Variants in FGD6 observed in about 807,000 individuals in gnomAD.
FGD6 encodes the protein FYVE, RhoGEF and PH domain-containing protein 6.
A neutral mutation model predicts 149.4 loss-of-function variants in FGD6; 90 were observed. The observed-to-expected ratio is 0.60, with a 90% CI of 0.51 to 0.72. The LOEUF is 0.72. Ranked by LOEUF, FGD6 falls within the 30% of genes least tolerant of loss-of-function variation. FGD6 has a pLI of 0.00. For missense variants in FGD6, 1,437 were observed against 1,684.8 expected, an observed-to-expected ratio of 0.85 and a Z score of 2.57; for synonymous variants, 527 against 584.0, an observed-to-expected ratio of 0.90 and a Z score of 1.41.
intron 3 of FGD6, among the ~76,000 whole-genome samples, chr12:95,166,819 C>T (rs893235204): frequency 6.6e-6 from 1 of 151,486 alleles, no homozygotes; most frequent in African/African-American, 2.4e-5. Flanking sequence ...TTAGTTTATC[C>T]ACTCATCATT....
At chr12:95,136,299 A>G (rs1469106970) in intron 7 of FGD6, among the ~76,000 whole-genome samples, 1 of 151,856 alleles carries the variant, frequency 6.6e-6, no homozygotes, top group Non-Finnish European at 1.5e-5. Context: ...CAGAGGTTGC[A>G]GTGAGCCGAG....
At chr12:95,127,458 C>G (rs1350656106) in intron 8 of FGD6, among the ~76,000 whole-genome samples, 3 of 152,140 alleles carry the variant, frequency 2.0e-5, no homozygotes, top group Non-Finnish European at 4.4e-5. Flanking sequence ...GCAGAAGAAT[C>G]ACTTGAACCC....
At chr12:95,100,829 T>C in intron 14 of FGD6, 1 of 402,482 alleles carries the variant, frequency 2.5e-6, no homozygotes, top group South Asian at 2.1e-5. Context: ...GATCAGGACC[T>C]TGCCGTCTTG....
chr12:95,216,003 TC>T (rs1242539717), intron 1 of FGD6, among the ~76,000 whole-genome samples: 1 of 152,204 alleles, frequency 6.6e-6, no homozygotes, highest in Non-Finnish European at 1.5e-5. Context: ...GTATAAAGCC[TC>T]CCTTTGGCAA....
chr12:95,142,267 G>C (rs1447349381), intron 5 of FGD6, among the ~76,000 whole-genome samples: 1 of 151,258 alleles, frequency 6.6e-6, no homozygotes, highest in Non-Finnish European at 1.5e-5. Flanking sequence ...TCAGCCTCCC[G>C]AGTAGCTGGG....
chr12:95,104,983 A>G (rs758380351), intron 14 of FGD6, 24 bp downstream of exon 14: 2 of 1,566,844 alleles, frequency 1.3e-6, no homozygotes, highest in East Asian at 2.2e-5. Context: ...AAAAAAAAAA[A>G]AAAAAGAAGA....
At chr12:95,135,755 G>C (rs1879647552) in intron 7 of FGD6, among the ~76,000 whole-genome samples, 1 of 152,198 alleles carries the variant, frequency 6.6e-6, no homozygotes, top group Admixed American at 6.5e-5. Flanking sequence ...GGTACACAGA[G>C]TGATTATGAA....
intron 8 of FGD6, among the ~76,000 whole-genome samples, chr12:95,132,174 C>T (rs907974554): frequency 1.3e-5 from 2 of 151,932 alleles, no homozygotes; most frequent in Non-Finnish European, 2.9e-5. Context: ...GTTTAAGAGA[C>T]GGAATTCTCA....
At chr12:95,201,157 A>G (rs1286457722) in intron 2 of FGD6, among the ~76,000 whole-genome samples, 4 of 152,202 alleles carry the variant, frequency 2.6e-5, no homozygotes, top group Admixed American at 6.5e-5. Flanking sequence ...AAGCACAGGC[A>G]TTACTTATGA....
intron 2 of FGD6, among the ~76,000 whole-genome samples, chr12:95,191,023 C>G (rs1440216133): frequency 6.6e-6 from 1 of 152,196 alleles, no homozygotes; most frequent in African/African-American, 2.4e-5. Flanking sequence ...AGTCTTACTA[C>G]ATGTAAGACT....
chr12:95,164,434 T>C (rs1277148102), intron 3 of FGD6, among the ~76,000 whole-genome samples: 1 of 151,260 alleles, frequency 6.6e-6, no homozygotes, highest in Admixed American at 6.6e-5. Flanking sequence ...AATTTATCCA[T>C]TCCTTTTTTT....
intron 5 of FGD6, among the ~76,000 whole-genome samples, chr12:95,147,016 G>C (rs1476856560): frequency 3.3e-5 from 5 of 152,130 alleles, no homozygotes; most frequent in African/African-American, 1.2e-4. Context: ...TCCTGACCCA[G>C]CTGCCTGACC....
chr12:95,213,358 T>C (rs566781501), intron 1 of FGD6, among the ~76,000 whole-genome samples: 56 of 152,292 alleles, frequency 3.7e-4, no homozygotes, highest in Non-Finnish European at 7.4e-4. Flanking sequence ...GTGGGAGGAT[T>C]GCTTGAGCTC....
rs1020433430 is a variant in FGD6 at position 95,153,428 on chromosome 12, G to A, written c.2587-435C>T. Among the ~76,000 whole-genome samples, 6 of 152,184 alleles carry A rather than the reference G, an allele frequency of 3.9e-5. No homozygotes were observed. The East Asian group carries it at 5.8e-4, about 15-fold the overall frequency. The stretch of plus-strand genomic sequence containing the variant: ...TGTAATCCCAACACTTTGGGAGGCC[G>A]AGGCGGGTGGATCACCTGAGGTTGG... On this transcript the variant is annotated intron_variant, in intron 3 of 20. Transcript: ENST00000343958.
intron 3 of FGD6, among the ~76,000 whole-genome samples, chr12:95,166,766 A>G (rs147080395): frequency 1.7e-4 from 26 of 151,194 alleles, no homozygotes; most frequent in Admixed American, 7.3e-4. Flanking sequence ...CCTCATTCCT[A>G]TTTTATGGCT....
rs1421180122 is a variant in FGD6, at chr12:95,092,860, C to G, written c.3601-15G>C. ...TCTGAGTCTGCCTGTGGAAGAAGAA[C>G]AACTTCTGATTATCTCCATGCACAC... On this transcript the variant is annotated splice_polypyrimidine_tract_variant and intron_variant, in intron 15 of 20. Coordinates refer to ENST00000343958, the MANE Select transcript of FGD6 (RefSeq NM_018351.4). The G allele has an allele frequency of 2.5e-6, 4 of 1,596,844 alleles. No homozygotes were observed. The highest frequency in any genetic ancestry group is 1.1e-5 in the South Asian group (1 of 88,302).
rs191616573 is a variant in FGD6, at chr12:95,119,624, T to C, written c.3083-5923A>G. Among the ~76,000 whole-genome samples, 11 of 152,350 alleles carry C rather than the reference T, an allele frequency of 7.2e-5. No homozygotes were observed. In the East Asian group the frequency reaches 1.9e-3, roughly 27 times the overall value. On this transcript the variant is annotated intron_variant, in intron 8 of 20. Coordinates refer to ENST00000343958, the MANE Select transcript of FGD6 (RefSeq NM_018351.4). ...TTTTGTAAGTTAATGGGTTTGGATT[T>C]ATAAGTAACACTGATTAGCACTGTC...
intron 3 of FGD6, among the ~76,000 whole-genome samples, chr12:95,163,290 TCTC>T (rs1436338694): frequency 3.3e-5 from 5 of 152,148 alleles, no homozygotes; most frequent in Admixed American, 2.0e-4. Context: ...CCCCAGCACT[TCTC>T]CTTCTCCCTG....
chr12:95,081,433 A>G lies in FGD6; in HGVS notation c.*87T>C, dbSNP rs979142901. The G allele has an allele frequency of 1.6e-6, 2 of 1,226,724 alleles. No individual in the cohort carries two copies. The highest frequency in any genetic ancestry group is 2.2e-6 in the Non-Finnish European group (2 of 897,320). 76.0% of individuals were successfully genotyped at this position (1,226,724 alleles called of 1,614,324 possible). A position where few individuals can be genotyped will look rare whatever the true frequency, so the allele number is the denominator to read the frequency against. Reference sequence around the variant, plus strand: ...GGTTGGCTTTATCTTGGCAGTGTTCATTTTTATACAATTTTTGAATTGCAT... The same window carrying G: ...GGTTGGCTTTATCTTGGCAGTGTTCGTTTTTATACAATTTTTGAATTGCAT... On this transcript the variant is annotated 3_prime_UTR_variant, in exon 21 of 21. Transcript: ENST00000343958.
Sources: allele counts gnomAD v4.1 joint callset (sites outside exome capture counted in the v4.1 genomes callset), GRCh38; gene constraint gnomAD v4.1.1; transcripts MANE v1.5; gene names NCBI Gene and HGNC (gene_info 2026-07-23, HGNC 2026-07-21).